Variants in ZDHHC20 observed in about 807,000 individuals in gnomAD.
The protein encoded by ZDHHC20 is palmitoyltransferase ZDHHC20.
ZDHHC20 carries 43 observed loss-of-function variants against 57.8 expected under a neutral mutation model. That is an observed-to-expected ratio of 0.74 (90% CI 0.58 to 0.96). The LOEUF (loss-of-function observed/expected upper bound fraction) is 0.96. ZDHHC20 is among the 40% of genes least tolerant of loss of function. The probability of loss-of-function intolerance (pLI) is 0.00; values close to 1 mark genes in which losing one functional copy is unlikely to be tolerated. For synonymous variants in ZDHHC20, 157 were observed against 153.0 expected, an observed-to-expected ratio of 1.03 and a Z score of -0.19; for missense variants, 391 against 441.1, an observed-to-expected ratio of 0.89 and a Z score of 1.02.
intron 7 of ZDHHC20, among the ~76,000 whole-genome samples, chr13:21,396,814 CAG>C (rs1303086402): frequency 2.1e-5 from 3 of 142,578 alleles, no homozygotes; most frequent in Non-Finnish European, 3.0e-5. Flanking sequence ...GCCTGCATGA[CAG>C]AGTGAGACTC....
At chr13:21,395,496 CTTTTT>C (rs201405874) in intron 7 of ZDHHC20, among the ~76,000 whole-genome samples, 2 of 120,508 alleles carry the variant, frequency 1.7e-5, no homozygotes, top group Non-Finnish European at 1.7e-5. Flanking sequence ...CTTTTCTTTT[CTTTTT>C]TTTTTTTTTT....
Position 21,413,788 on chromosome 13 carries a change from G to A in ZDHHC20, c.250-16C>T. ...ACAAGTAGAACTATAAAAGGAAAGAGGACTATTAAATTTTTTTAATCCCAT... is the reference window on the plus strand; with the variant it reads ...ACAAGTAGAACTATAAAAGGAAAGAAGACTATTAAATTTTTTTAATCCCAT... On this transcript the variant is annotated splice_polypyrimidine_tract_variant and intron_variant, in intron 3 of 12. Transcript: ENST00000400590. The A allele has an allele frequency of 6.3e-7, 1 of 1,590,052 alleles. No homozygotes were observed. The highest frequency in any genetic ancestry group is 1.2e-5 in the South Asian group (1 of 86,540).
At chr13:21,438,413 A>G (rs537428608) in intron 1 of ZDHHC20, among the ~76,000 whole-genome samples, 41 of 152,204 alleles carry the variant, frequency 2.7e-4, no homozygotes, top group Admixed American at 3.3e-4. Flanking sequence ...ATGACACTAA[A>G]CAGTTCAAGA....
At chr13:21,404,193 G>A (rs1177174887) in intron 4 of ZDHHC20, 2 of 417,862 alleles carry the variant, frequency 4.8e-6, no homozygotes, top group Non-Finnish European at 9.6e-6. Flanking sequence ...TTTCCATACA[G>A]AATACATTTA....
At chr13:21,394,684 A>G (rs990494695) in intron 7 of ZDHHC20, among the ~76,000 whole-genome samples, 1 of 152,236 alleles carries the variant, frequency 6.6e-6, no homozygotes, top group African/African-American at 2.4e-5. Context: ...TTTCTGATAG[A>G]GAAATGTGAA....
At position 21,376,465 on chromosome 13, in the gene ZDHHC20, C is replaced by G. The variant is rs1179262240; in HGVS notation, c.*231G>C. On this transcript the variant is annotated 3_prime_UTR_variant, in exon 13 of 13. Transcript: ENST00000400590. ...TCACTTTTGTAGCTCTAAGTCAATG[C>G]TGCACAAATGGACACTTAAGATTAA... 1.1e-5 allele frequency: 4 copies of G among 372,664 alleles called. No homozygotes were observed. The highest frequency in any genetic ancestry group is 2.0e-5 in the Non-Finnish European group (4 of 200,366). The allele number at this position is 372,664 out of a possible 1,614,324, so 23.1% of individuals were successfully genotyped here. A position where few individuals can be genotyped will look rare whatever the true frequency, so the allele number is the denominator to read the frequency against.
chr13:21,382,414 T>C (rs1873580517), intron 10 of ZDHHC20, among the ~76,000 whole-genome samples: 1 of 152,216 alleles, frequency 6.6e-6, no homozygotes, highest in Non-Finnish European at 1.5e-5. Context: ...ACTATTACAC[T>C]GAATGTATGA....
At chr13:21,413,517 A>G (rs1159373124) in intron 4 of ZDHHC20, 135 bp downstream of exon 4, 19 of 685,742 alleles carry the variant, frequency 2.8e-5, no homozygotes, top group Admixed American at 3.9e-5. Flanking sequence ...AGGAAACAGG[A>G]AAGTCTTGTT....
In ZDHHC20 at chr13:21,374,602, G is replaced by A; in HGVS notation, c.*2094C>T. On this transcript the variant is annotated 3_prime_UTR_variant, in exon 13 of 13. Transcript: ENST00000400590. ...AAGATTACTAAGGAGTTGAAACAAA[G>A]GTAGAAGAATCCATACTATAATATC... 3.6e-6 allele frequency: 1 copy of A among 274,366 alleles called. No individual in the cohort carries two copies. The highest frequency in any genetic ancestry group is 7.6e-6 in the Non-Finnish European group (1 of 131,782). The allele number at this position is 274,366 out of a possible 1,614,324, so 17.0% of individuals were successfully genotyped here. A position where few individuals can be genotyped will look rare whatever the true frequency, so the allele number is the denominator to read the frequency against.
intron 1 of ZDHHC20, among the ~76,000 whole-genome samples, chr13:21,456,794 T>C (rs560915637): frequency 1.3e-5 from 2 of 152,304 alleles, no homozygotes; most frequent in East Asian, 3.9e-4. Flanking sequence ...AATTGTAGGG[T>C]ATAATCTCTA....
intron 1 of ZDHHC20, among the ~76,000 whole-genome samples, chr13:21,448,056 G>A (rs1457982435): frequency 0.012 from 1,252 of 108,382 alleles, no homozygotes; most frequent in African/African-American, 0.021. Context: ...CAACCACCCC[G>A]TCTGAAAAGT....
intron 1 of ZDHHC20, among the ~76,000 whole-genome samples, chr13:21,452,640 A>G (rs766456201): frequency 1.4e-4 from 21 of 152,202 alleles, no homozygotes; most frequent in African/African-American, 2.4e-5. Flanking sequence ...ATACAGTGTG[A>G]GGTTTACAAC....
chr13:21,397,421 G>T (rs1222261044), intron 7 of ZDHHC20, among the ~76,000 whole-genome samples: 2 of 152,078 alleles, frequency 1.3e-5, no homozygotes, highest in Non-Finnish European at 2.9e-5. Flanking sequence ...CAGCACTTTG[G>T]GAGGCCGAGG....
chr13:21,444,109 T>C (rs191355433), intron 1 of ZDHHC20, among the ~76,000 whole-genome samples: 1 of 152,268 alleles, frequency 6.6e-6, no homozygotes, highest in Admixed American at 6.5e-5. Context: ...GGAGCTGAGA[T>C]TGTGCCACTG....
intron 9 of ZDHHC20, among the ~76,000 whole-genome samples, chr13:21,386,803 C>T (rs966963190): frequency 6.6e-6 from 1 of 152,208 alleles, no homozygotes; most frequent in East Asian, 1.9e-4. Flanking sequence ...CCTGCCTCGG[C>T]CTCCCAAAGT....
At position 21,378,651 on chromosome 13, in the gene ZDHHC20, A is replaced by G. The variant is rs1396374031; in HGVS notation, c.*40+10T>C. 4 of 1,346,978 alleles carry G rather than the reference A, an allele frequency of 3.0e-6. No individual in the cohort carries two copies. The highest frequency in any genetic ancestry group is 1.9e-4 in the Middle Eastern group (1 of 5,208). The allele number at this position is 1,346,978 out of a possible 1,614,324, so 83.4% of individuals were successfully genotyped here. On this transcript the variant is annotated intron_variant, in intron 12 of 12. Transcript: ENST00000400590. The stretch of plus-strand genomic sequence containing the variant: ...GCATTTATTCAAGGATTACCTTTAT[A>G]CTGTCTTACCTTGCTCTTATTCAAA...
At chr13:21,447,493 G>A (rs183311602) in intron 1 of ZDHHC20, among the ~76,000 whole-genome samples, 90 of 141,526 alleles carry the variant, frequency 6.4e-4, no homozygotes, top group South Asian at 1.5e-3. Context: ...TGTGTTGGCC[G>A]GGCCGGTCTC....
intron 1 of ZDHHC20, among the ~76,000 whole-genome samples, chr13:21,433,803 A>AT (rs1259581381): frequency 6.6e-6 from 1 of 152,168 alleles, no homozygotes; most frequent in East Asian, 1.9e-4. Context: ...GTAGCTCTCC[A>AT]TTTTAGATTT....
At chr13:21,414,258 C>CTTT (rs1382553795) in intron 3 of ZDHHC20, among the ~76,000 whole-genome samples, 1 of 142,896 alleles carries the variant, frequency 7.0e-6, no homozygotes, top group African/African-American at 2.6e-5. Context: ...CCATTTTTAG[C>CTTT]TTTCGAAAAG....
Sources: gnomAD v4.1 joint callset for allele counts (sites outside exome capture counted in the v4.1 genomes callset) on GRCh38, gnomAD v4.1.1 for gene constraint, MANE v1.5 for transcripts, NCBI Gene and HGNC (gene_info 2026-07-23, HGNC 2026-07-21) for gene names.